INPP4B: variants seen among roughly 807,000 people sequenced by gnomAD.
INPP4B encodes the protein inositol polyphosphate-4-phosphatase type II B.
Under a neutral mutation model 122.5 loss-of-function variants are expected in INPP4B, and 55 were observed. The ratio of observed to expected loss-of-function variants is 0.45; its 90% confidence interval spans 0.36 to 0.56. The LOEUF is 0.56. Ranked by LOEUF, INPP4B falls within the 20% of genes least tolerant of loss-of-function variation. The pLI, the probability that INPP4B is intolerant of heterozygous loss-of-function variation, is 0.00. For missense variants in INPP4B, 1,000 were observed against 1,097.7 expected (o/e 0.91, Z 1.26); for synonymous variants, 403 against 388.7 (o/e 1.04, Z -0.43).
At chr4:142,648,735 T>A (rs1194426843) in intron 2 of INPP4B, among the ~76,000 whole-genome samples, 1 of 152,216 alleles carries the variant, frequency 6.6e-6, no homozygotes, top group African/African-American at 2.4e-5. Context: ...AGAATCCACC[T>A]CTTTGGGCAG....
Position 142,624,713 on chromosome 4 carries a change from A to T in INPP4B, c.-191+101126T>A, listed in dbSNP as rs1048974274. On this transcript the variant is annotated intron_variant, in intron 2 of 25. Transcript: ENST00000262992. ...TTTTAGACCAATATCCTTGATGAACATTCGTGAAAAAATCCTCAATAAAAT... is the reference window on the plus strand; with the variant it reads ...TTTTAGACCAATATCCTTGATGAACTTTCGTGAAAAAATCCTCAATAAAAT... Among the ~76,000 whole-genome samples the T allele has an allele frequency of 2.6e-5, 4 of 152,296 alleles. No individual in the cohort carries two copies. The East Asian group carries it at 7.7e-4, about 29-fold the overall frequency.
intron 2 of INPP4B, among the ~76,000 whole-genome samples, chr4:142,722,790 G>A (rs1764855953): frequency 6.6e-6 from 1 of 152,056 alleles, no homozygotes. Flanking sequence ...CCTAATTTCG[G>A]CACTGTGAGA....
At chr4:142,296,997 C>T (rs79872701) in intron 9 of INPP4B, among the ~76,000 whole-genome samples, 14 of 11,624 alleles carry the variant, frequency 1.2e-3, no homozygotes, top group African/African-American at 1.8e-3. Flanking sequence ...CTTGAAGTTA[C>T]TTCACTTGAA....
At chr4:142,099,926 A>G (rs1052120732) in intron 23 of INPP4B, among the ~76,000 whole-genome samples, 2 of 152,128 alleles carry the variant, frequency 1.3e-5, no homozygotes, top group Non-Finnish European at 2.9e-5. Context: ...AGCTAACTCT[A>G]TCACATCTTA....
intron 12 of INPP4B, among the ~76,000 whole-genome samples, chr4:142,231,810 T>C (rs909791198): frequency 2.6e-5 from 4 of 152,158 alleles, no homozygotes; most frequent in Non-Finnish European, 5.9e-5. Context: ...CATCAGCTTA[T>C]ACATAAATGT....
chr4:142,176,573 A>G lies in INPP4B; in HGVS notation c.1182-2764T>C, dbSNP rs143252756. On this transcript the variant is annotated intron_variant, in intron 15 of 25. Transcript: ENST00000262992. ...TTCTATTCTAATTCACACATTTCTA[A>G]TATTTATTCTGCACATGTTCTTTAT... is the stretch of plus-strand genomic sequence containing the variant. Among the ~76,000 whole-genome samples the G allele has an allele frequency of 2.0e-5, 3 of 152,214 alleles. No homozygotes were observed. In the East Asian group the frequency reaches 5.8e-4, roughly 29 times the overall value.
At chr4:142,728,991 C>CT (rs1319677333) in intron 1 of INPP4B, among the ~76,000 whole-genome samples, 7 of 152,092 alleles carry the variant, frequency 4.6e-5, no homozygotes. Flanking sequence ...AGTCCTCAAA[C>CT]TTTTTGGCAC....
chr4:142,238,923 G>A (rs908174396), intron 11 of INPP4B, among the ~76,000 whole-genome samples: 6 of 152,034 alleles, frequency 3.9e-5, no homozygotes, highest in Non-Finnish European at 5.9e-5. Flanking sequence ...AAAATATCAA[G>A]TCAGTCACCA....
At chr4:142,502,434 T>G (rs60924405) in intron 2 of INPP4B, among the ~76,000 whole-genome samples, 33,646 of 152,108 alleles carry the variant, frequency 0.22, 4,135 homozygotes, top group East Asian at 0.46. Flanking sequence ...CCATGTATTA[T>G]TGATTTATAA....
chr4:142,610,251 C>T (rs758606553), intron 2 of INPP4B, among the ~76,000 whole-genome samples: 8 of 152,136 alleles, frequency 5.3e-5, no homozygotes, highest in African/African-American at 9.7e-5. Flanking sequence ...CCATGTAAGA[C>T]GTGCCTTTGC....
intron 25 of INPP4B, among the ~76,000 whole-genome samples, chr4:142,070,367 T>C (rs933974166): frequency 5.3e-5 from 8 of 152,056 alleles, no homozygotes; most frequent in African/African-American, 1.9e-4. Context: ...ATGACAAACC[T>C]ACAGCCAATA....
At chr4:142,704,650 G>A (rs1762241984) in intron 2 of INPP4B, among the ~76,000 whole-genome samples, 1 of 152,058 alleles carries the variant, frequency 6.6e-6, no homozygotes, top group East Asian at 1.9e-4. Flanking sequence ...CTCAAAGATC[G>A]CTATCATTTG....
chr4:142,670,580 T>C (rs1756852858), intron 2 of INPP4B, among the ~76,000 whole-genome samples: 1 of 152,078 alleles, frequency 6.6e-6, no homozygotes, highest in Non-Finnish European at 1.5e-5. Context: ...ATTTCAGTCA[T>C]ATGTAGAATA....
At chr4:142,446,731 A>C (rs1812989951) in intron 3 of INPP4B, among the ~76,000 whole-genome samples, 1 of 152,162 alleles carries the variant, frequency 6.6e-6, no homozygotes, top group African/African-American at 2.4e-5. Context: ...AAGTACTGAG[A>C]AAAGAGGAGT....
chr4:142,086,827 G>C lies in INPP4B; in HGVS notation c.2375-571C>G, dbSNP rs151209270. ...GTGGTCCTACAGTACTATTTTACCA[G>C]CATTTTGGACAAAGATGTTGGCTTC... On this transcript the variant is annotated intron_variant, in intron 23 of 25. Transcript: ENST00000262992. Among the ~76,000 whole-genome samples, 39 of 152,302 alleles carry C rather than the reference G, an allele frequency of 2.6e-4. 1 individual carries two copies. The highest frequency in any genetic ancestry group is 7.7e-4 in the African/African-American group (32 of 41,566).
chr4:142,346,746 A>G (rs1410669920), intron 7 of INPP4B, among the ~76,000 whole-genome samples: 1 of 152,098 alleles, frequency 6.6e-6, no homozygotes, highest in East Asian at 1.9e-4. Context: ...CACTATCTAG[A>G]TAACTGAAAT....
At chr4:142,773,268 G>A (rs1286226386) in intron 1 of INPP4B, among the ~76,000 whole-genome samples, 1 of 152,012 alleles carries the variant, frequency 6.6e-6, no homozygotes, top group African/African-American at 2.4e-5. Context: ...CACAAGAGCA[G>A]ACATAAAATC....
intron 4 of INPP4B, among the ~76,000 whole-genome samples, chr4:142,430,376 A>C (rs977435149): frequency 5.3e-5 from 8 of 152,058 alleles, no homozygotes; most frequent in Admixed American, 6.6e-5. Flanking sequence ...CAACATTGAC[A>C]ATCAGATTTC....
chr4:142,207,638 A>T (rs547525536), intron 14 of INPP4B, among the ~76,000 whole-genome samples: 1 of 152,254 alleles, frequency 6.6e-6, no homozygotes, highest in African/African-American at 2.4e-5. Flanking sequence ...GACTTTTAAG[A>T]AGGAAAGGAA....
Sources: gnomAD v4.1 joint callset for allele counts (sites outside exome capture counted in the v4.1 genomes callset) on GRCh38, gnomAD v4.1.1 for gene constraint, MANE v1.5 for transcripts, NCBI Gene and HGNC (gene_info 2026-07-23, HGNC 2026-07-21) for gene names.